The following SPAG11A variants were observed in gnomAD, a reference collection of about 807,000 sequenced individuals.
The protein encoded by SPAG11A is sperm associated antigen 11A.
Under a neutral mutation model 5.5 loss-of-function variants are expected in SPAG11A, and 2 were observed. That is an observed-to-expected ratio of 0.37 (90% CI 0.15 to 1.15). SPAG11A has a LOEUF of 1.15. Among genes scored for constraint, SPAG11A ranks in the 50% most tolerant of loss-of-function variants. SPAG11A has a pLI of 0.38. For synonymous variants in SPAG11A, 11 were observed against 42.7 expected, an observed-to-expected ratio of 0.26 and a Z score of 2.90; for missense variants, 24 against 122.5, an observed-to-expected ratio of 0.20 and a Z score of 3.80.
downstream of SPAG11A, among the ~76,000 whole-genome samples, chr8:7,863,213 A>ATT (rs869056010): frequency 0.033 from 247 of 7,520 alleles, 65 homozygotes; most frequent in African/African-American, 0.045. Context: ...TGCAGATGGG[A>ATT]TTTTTTTTTT....
intron 2 of SPAG11A, among the ~76,000 whole-genome samples, chr8:7,852,585 G>A (rs1269326506): frequency 6.2e-5 from 9 of 145,090 alleles, no homozygotes; most frequent in African/African-American, 1.7e-4. Context: ...TGTCCGCCTC[G>A]GCCTCCCGAA....
rs747701155 is a variant in SPAG11A at position 7,860,309 on chromosome 8, C to G, written c.215-337C>G. ...GACCAAGACCTGTCCTATTCTGGAC[C>G]ACTTCTGTTTTCCAAAACTCCCTTT... On this transcript the variant is annotated intron_variant, in intron 2 of 2. Transcript: ENST00000642566. The G allele has an allele frequency of 6.4e-5, 91 of 1,412,950 alleles. 3 individuals carry two copies. Among genetic ancestry groups the G allele is most frequent in the Middle Eastern group, 1.8e-4 (1 of 5,470 alleles). 87.5% of individuals were successfully genotyped at this position (1,412,950 alleles called of 1,614,324 possible).
At chr8:7,848,610 AGAGT>A (rs1353645609) in intron 1 of SPAG11A, 77 bp from the exon 2 acceptor site, 1 of 576,952 alleles carries the variant, frequency 1.7e-6, no homozygotes, top group Admixed American at 3.3e-5. Flanking sequence ...CTCACCTGGT[AGAGT>A]GTAGGTGCCT....
At chr8:7,852,778 T>C (rs1184270564) in intron 2 of SPAG11A, among the ~76,000 whole-genome samples, 2 of 142,868 alleles carry the variant, frequency 1.4e-5, no homozygotes, top group African/African-American at 5.0e-5. Flanking sequence ...CTCATTATCT[T>C]TCAACCATAA....
chr8:7,857,443 C>CTTTTTT (rs746499721), intron 2 of SPAG11A, among the ~76,000 whole-genome samples: 7 of 44,686 alleles, frequency 1.6e-4, no homozygotes, highest in African/African-American at 2.5e-4. Context: ...TTCTTTCTTT[C>CTTTTTT]TTTTTTTTTT....
At chr8:7,860,589 C>A in intron 2 of SPAG11A, 57 bp from the exon 3 acceptor site, 1 of 1,391,356 alleles carries the variant, frequency 7.2e-7, no homozygotes, top group Non-Finnish European at 9.7e-7. Context: ...CTGGGTTCAT[C>A]TTCTATTCTC....
intron 2 of SPAG11A, 56 bp from the exon 3 acceptor site, chr8:7,860,590 T>C (rs1818177227): frequency 4.3e-6 from 6 of 1,392,048 alleles, no homozygotes; most frequent in African/African-American, 1.4e-5. Context: ...TGGGTTCATC[T>C]TCTATTCTCT....
At chr8:7,860,027 G>A (rs1342506008) in intron 2 of SPAG11A, among the ~76,000 whole-genome samples, 1 of 150,512 alleles carries the variant, frequency 6.6e-6, no homozygotes, top group Admixed American at 6.6e-5. Context: ...TGCTGTTGTT[G>A]TTGTTGCTGC....
chr8:7,852,809 G>T (rs1345386750), intron 2 of SPAG11A, among the ~76,000 whole-genome samples: 1 of 117,784 alleles, frequency 8.5e-6, no homozygotes, highest in Non-Finnish European at 1.8e-5. Context: ...TTTCCCTTTT[G>T]TTCTCTACTT....
At chr8:7,861,504 A>G (rs1156240821), downstream of SPAG11A, among the ~76,000 whole-genome samples, 7 of 146,012 alleles carry the variant, frequency 4.8e-5, 1 homozygote, top group Admixed American at 4.8e-4. Flanking sequence ...ATCCTTCTAA[A>G]AAACATATTT....
chr8:7,861,590 G>C (rs1342751157), downstream of SPAG11A, among the ~76,000 whole-genome samples: 1 of 141,528 alleles, frequency 7.1e-6, no homozygotes, highest in African/African-American at 2.5e-5. Flanking sequence ...CCTTTCTCTG[G>C]ATCCTGCTTG....
chr8:7,863,213 A>ATTTTTTTT (rs869056010), downstream of SPAG11A, among the ~76,000 whole-genome samples: 62 of 7,542 alleles, frequency 8.2e-3, 20 homozygotes, highest in East Asian at 0.011. Context: ...TGCAGATGGG[A>ATTTTTTTT]TTTTTTTTTT....
chr8:7,852,188 A>C (rs1261441161), intron 2 of SPAG11A, among the ~76,000 whole-genome samples: 1 of 151,106 alleles, frequency 6.6e-6, no homozygotes, highest in East Asian at 2.0e-4. Flanking sequence ...TTAGTCCACC[A>C]TCTTGCAGAT....
chr8:7,859,910 C>T (rs1236949030), intron 2 of SPAG11A, among the ~76,000 whole-genome samples: 1 of 141,950 alleles, frequency 7.0e-6, no homozygotes, highest in African/African-American at 2.6e-5. Flanking sequence ...TTGCTGTCTC[C>T]TCCAAGCTGT....
exon 3 of SPAG11A, chr8:7,860,858 A>T: frequency 7.9e-7 from 1 of 1,268,472 alleles, no homozygotes; most frequent in Non-Finnish European, 1.0e-6. Context: ...GAAGGCAGGG[A>T]TGTTGAAGTA....
At chr8:7,852,658 G>C (rs1453063461) in intron 2 of SPAG11A, among the ~76,000 whole-genome samples, 1 of 151,660 alleles carries the variant, frequency 6.6e-6, no homozygotes, top group Non-Finnish European at 1.5e-5. Context: ...TCTTATCCAT[G>C]TACATGTGCT....
At chr8:7,857,566 A>G (rs1337393372) in intron 2 of SPAG11A, among the ~76,000 whole-genome samples, 1 of 78,166 alleles carries the variant, frequency 1.3e-5, no homozygotes, top group Non-Finnish European at 3.1e-5. Context: ...ACAAATATTC[A>G]TAACTATTTT....
chr8:7,860,198 T>C lies in SPAG11A; in HGVS notation c.215-448T>C, dbSNP rs1309225955. 12 of 592,474 alleles carry C rather than the reference T, an allele frequency of 2.0e-5. 1 individual carries two copies. Among genetic ancestry groups the C allele is most frequent in the Non-Finnish European group, 3.2e-5 (12 of 370,348 alleles). The allele number at this position is 592,474 out of a possible 1,614,324, so 36.7% of individuals were successfully genotyped here. Reference sequence around the variant, plus strand: ...CACAGGTCCTGGTGAGGAGAGAGGTTTTATTTTCTCCTTTTCGTTGTAGGA... The same window carrying C: ...CACAGGTCCTGGTGAGGAGAGAGGTCTTATTTTCTCCTTTTCGTTGTAGGA... On this transcript the variant is annotated intron_variant, in intron 2 of 2. Transcript: ENST00000642566.
downstream of SPAG11A, chr8:7,863,739 A>T (rs1384797564): frequency 1.3e-6 from 1 of 790,244 alleles, no homozygotes; most frequent in Non-Finnish European, 2.1e-6. Context: ...TCCATGTGAG[A>T]GACCGGAGTA....
Sources: allele counts gnomAD v4.1 joint callset (sites outside exome capture counted in the v4.1 genomes callset), GRCh38; gene constraint gnomAD v4.1.1; transcripts MANE v1.5; gene names NCBI Gene and HGNC (gene_info 2026-07-23, HGNC 2026-07-21).